Variants in COLEC10 observed in about 807,000 individuals in gnomAD.
COLEC10 encodes collectin subfamily member 10, also known as collectin-10.
A neutral mutation model predicts 28.4 loss-of-function variants in COLEC10; 22 were observed. The observed-to-expected ratio is 0.78, with a 90% CI of 0.55 to 1.11. The LOEUF (loss-of-function observed/expected upper bound fraction) is 1.11. COLEC10 is among the 50% of genes least tolerant of loss of function. The probability of loss-of-function intolerance (pLI) is 0.00; values close to 1 mark genes in which losing one functional copy is unlikely to be tolerated. For missense variants in COLEC10, 361 were observed against 344.1 expected, an observed-to-expected ratio of 1.05 and a Z score of -0.39; for synonymous variants, 125 against 116.1, an observed-to-expected ratio of 1.08 and a Z score of -0.49.
chr8:119,094,482 C>G (rs1386658087), intron 3 of COLEC10, among the ~76,000 whole-genome samples: 1 of 151,922 alleles, frequency 6.6e-6, no homozygotes, highest in African/African-American at 2.4e-5. Context: ...CTAGCTGGGT[C>G]CAAAAAAATA....
At chr8:118,984,756 T>C in the COLEC10 span, among the ~76,000 whole-genome samples, 2 of 152,096 alleles carry the variant, frequency 1.3e-5, no homozygotes, top group East Asian at 3.9e-4. Context: ...ATGCTGCTGA[T>C]AAAGACATAC....
intron 1 of COLEC10, among the ~76,000 whole-genome samples, chr8:119,003,138 A>T (rs1031898787): frequency 2.0e-5 from 3 of 152,146 alleles, no homozygotes; most frequent in Non-Finnish European, 2.9e-5. Context: ...GCCAATTTTT[A>T]AAAATGTGAC....
intron 3 of COLEC10, among the ~76,000 whole-genome samples, chr8:119,100,070 T>C (rs1395305147): frequency 6.6e-6 from 1 of 152,212 alleles, no homozygotes; most frequent in African/African-American, 2.4e-5. Flanking sequence ...CCCATAATCA[T>C]ACAATCTTTT....
chr8:118,952,749 A>C, the COLEC10 span, among the ~76,000 whole-genome samples: 14,348 of 152,166 alleles, frequency 0.094, 849 homozygotes, highest in African/African-American at 0.17. Context: ...CTTCTGGAGT[A>C]GCCTCCTCGA....
rs114147804 is a variant in COLEC10, at chr8:119,107,870, C to A, written c.*1679C>A. Among the ~76,000 whole-genome samples, 755 of 152,140 alleles carry A rather than the reference C, an allele frequency of 5.0e-3. 10 individuals are homozygous for A. The highest frequency in any genetic ancestry group is 0.017 in the African/African-American group (726 of 41,516). ...AGCTCATATTTTAATATGTTGGCAA[C>A]TAATTAATTTTTAACCCAAATTTTA... On this transcript the variant is annotated 3_prime_UTR_variant, in exon 6 of 6. Transcript: ENST00000332843.
At chr8:118,978,851 C>A in the COLEC10 span, among the ~76,000 whole-genome samples, 1 of 152,112 alleles carries the variant, frequency 6.6e-6, no homozygotes, top group East Asian at 1.9e-4. Context: ...CTCATCCATG[C>A]CTTTCAACTT....
chr8:119,040,881 C>T (rs751582501), intron 2 of COLEC10, among the ~76,000 whole-genome samples: 72 of 152,256 alleles, frequency 4.7e-4, no homozygotes, highest in Non-Finnish European at 9.6e-4. Flanking sequence ...TACCCCATCT[C>T]CATCTGGTGC....
intron 2 of COLEC10, among the ~76,000 whole-genome samples, chr8:119,025,374 C>A (rs1781295506): frequency 6.6e-6 from 1 of 152,168 alleles, no homozygotes; most frequent in South Asian, 2.1e-4. Context: ...TAAACAAGCA[C>A]AGAGGAGCAC....
intron 2 of COLEC10, among the ~76,000 whole-genome samples, chr8:119,013,202 T>C (rs886566370): frequency 2.0e-5 from 3 of 150,692 alleles, no homozygotes; most frequent in Non-Finnish European, 4.4e-5. Flanking sequence ...TAAATCTCTA[T>C]AGGTATCTCT....
At chr8:119,100,557 C>T (rs530768228) in intron 3 of COLEC10, among the ~76,000 whole-genome samples, 3 of 152,254 alleles carry the variant, frequency 2.0e-5, no homozygotes, top group African/African-American at 7.2e-5. Flanking sequence ...TATGCTCATG[C>T]CTTTATCCCA....
chr8:118,988,998 C>T, the COLEC10 span, among the ~76,000 whole-genome samples: 1 of 152,146 alleles, frequency 6.6e-6, no homozygotes, highest in African/African-American at 2.4e-5. Context: ...CAAAAACATT[C>T]TGAAGGGACA....
At chr8:118,979,656 G>A in the COLEC10 span, among the ~76,000 whole-genome samples, 1 of 151,788 alleles carries the variant, frequency 6.6e-6, no homozygotes, top group African/African-American at 2.4e-5. Flanking sequence ...TTCAAGAGCT[G>A]GAAATTGTCA....
chr8:119,105,091 C>G (rs1362475872), intron 5 of COLEC10, among the ~76,000 whole-genome samples: 3 of 152,098 alleles, frequency 2.0e-5, no homozygotes, highest in Non-Finnish European at 4.4e-5. Flanking sequence ...GAATTTGGTC[C>G]AATGTGGACA....
chr8:118,992,273 C>T (rs1239098174), upstream of COLEC10, among the ~76,000 whole-genome samples: 1 of 151,990 alleles, frequency 6.6e-6, no homozygotes, highest in Non-Finnish European at 1.5e-5. Flanking sequence ...AAAATTTTAA[C>T]CTGTCAGTGT....
intron 2 of COLEC10, among the ~76,000 whole-genome samples, chr8:119,047,744 TA>T (rs1377135757): frequency 4.0e-5 from 6 of 149,288 alleles, no homozygotes; most frequent in East Asian, 2.0e-4. Flanking sequence ...CCTCTCTTAT[TA>T]AAAAAAAACC....
upstream of COLEC10, among the ~76,000 whole-genome samples, chr8:118,993,593 G>A (rs116851150): frequency 4.1e-3 from 623 of 152,152 alleles, 3 homozygotes; most frequent in Middle Eastern, 0.014. Context: ...GACATAAGGT[G>A]AGCCACCCGC....
At chr8:119,063,705 A>AT (rs958278838), upstream of COLEC10, among the ~76,000 whole-genome samples, 1 of 138,450 alleles carries the variant, frequency 7.2e-6, no homozygotes, top group Non-Finnish European at 1.6e-5. Context: ...ATATATATAT[A>AT]TTTTTTAAGG....
At chr8:119,059,472 T>A (rs1428915259) in intron 2 of COLEC10, among the ~76,000 whole-genome samples, 1 of 152,060 alleles carries the variant, frequency 6.6e-6, no homozygotes, top group Non-Finnish European at 1.5e-5. Flanking sequence ...CCCCGAACAT[T>A]TAGTTGTCTT....
At chr8:118,987,539 G>A in the COLEC10 span, among the ~76,000 whole-genome samples, 21 of 152,252 alleles carry the variant, frequency 1.4e-4, no homozygotes, top group African/African-American at 4.8e-4. Context: ...AGTTCAGCCT[G>A]GGAAACGGGG....
Sources: gnomAD v4.1 joint callset for allele counts (sites outside exome capture counted in the v4.1 genomes callset) on GRCh38, gnomAD v4.1.1 for gene constraint, MANE v1.5 for transcripts, NCBI Gene and HGNC (gene_info 2026-07-23, HGNC 2026-07-21) for gene names.